DCC: variants seen among roughly 807,000 people sequenced by gnomAD.
The protein encoded by DCC is netrin receptor DCC.
Under a neutral mutation model 172.5 loss-of-function variants are expected in DCC, and 58 were observed. The observed-to-expected ratio is 0.34, with a 90% confidence interval of 0.27 to 0.42. The LOEUF (loss-of-function observed/expected upper bound fraction) is 0.42. Ranked by LOEUF, DCC falls within the 10% of genes least tolerant of loss-of-function variation. The probability of loss-of-function intolerance (pLI) is 1.00; values close to 1 mark genes in which losing one functional copy is unlikely to be tolerated. For synonymous variants in DCC, 709 were observed against 644.5 expected (o/e 1.10, Z -1.52); for missense variants, 1,740 against 1,791.0 (o/e 0.97, Z 0.51).
intron 1 of DCC, among the ~76,000 whole-genome samples, chr18:52,484,570 A>G (rs2030117480): frequency 6.6e-6 from 1 of 152,060 alleles, no homozygotes; most frequent in Non-Finnish European, 1.5e-5. Context: ...CTGGAGTGCA[A>G]GTAATTTAGC....
chr18:53,467,102 C>A (rs180962186), intron 24 of DCC, among the ~76,000 whole-genome samples: 1 of 152,020 alleles, frequency 6.6e-6, no homozygotes, highest in Non-Finnish European at 1.5e-5. Context: ...TAATCCCTTT[C>A]GCAAAAGGAA....
At chr18:52,940,406 C>T (rs902807922) in intron 5 of DCC, among the ~76,000 whole-genome samples, 1 of 151,900 alleles carries the variant, frequency 6.6e-6, no homozygotes, top group African/African-American at 2.4e-5. Flanking sequence ...TTAAAATATC[C>T]CTTGTGTACA....
At chr18:53,364,363 T>A (rs945587984) in intron 15 of DCC, among the ~76,000 whole-genome samples, 1 of 151,404 alleles carries the variant, frequency 6.6e-6, no homozygotes, top group Non-Finnish European at 1.5e-5. Flanking sequence ...ATTGCCCCTG[T>A]TTTTTTCAGG....
At chr18:52,777,384 A>G (rs539413368) in intron 2 of DCC, among the ~76,000 whole-genome samples, 1 of 151,936 alleles carries the variant, frequency 6.6e-6, no homozygotes, top group East Asian at 1.9e-4. Context: ...TGGCTGCTTC[A>G]CTCCAATCTC....
At chr18:53,236,369 C>A (rs747642005) in intron 12 of DCC, among the ~76,000 whole-genome samples, 9 of 152,054 alleles carry the variant, frequency 5.9e-5, no homozygotes, top group Non-Finnish European at 1.2e-4. Context: ...TTTGAAGATT[C>A]TTTTTTGCAC....
intron 7 of DCC, among the ~76,000 whole-genome samples, chr18:53,076,385 A>G (rs1289624719): frequency 6.6e-6 from 1 of 152,116 alleles, no homozygotes; most frequent in East Asian, 1.9e-4. Context: ...TATACTGGCC[A>G]TTGATCTAGA....
chr18:53,162,582 C>T (rs1180108778), intron 8 of DCC, among the ~76,000 whole-genome samples: 3 of 152,120 alleles, frequency 2.0e-5, no homozygotes, highest in African/African-American at 7.2e-5. Context: ...TAGCACTTTC[C>T]TTATGTTTCC....
chr18:52,905,253 T>A (rs2039864223), intron 2 of DCC, among the ~76,000 whole-genome samples: 1 of 152,198 alleles, frequency 6.6e-6, no homozygotes, highest in African/African-American at 2.4e-5. Context: ...CTTATATTGG[T>A]CATTCATATG....
intron 5 of DCC, among the ~76,000 whole-genome samples, chr18:53,034,237 G>A (rs1472080655): frequency 1.3e-5 from 2 of 151,950 alleles, no homozygotes; most frequent in African/African-American, 4.8e-5. Context: ...GATATCTCAT[G>A]TATAACATGA....
chr18:53,423,788 T>C (rs984060221), intron 21 of DCC, among the ~76,000 whole-genome samples: 1 of 152,186 alleles, frequency 6.6e-6, no homozygotes, highest in Non-Finnish European at 1.5e-5. Flanking sequence ...ATTCTTCACA[T>C]TGTCATCCCT....
chr18:53,016,746 A>G (rs2041812311), intron 5 of DCC, among the ~76,000 whole-genome samples: 1 of 152,198 alleles, frequency 6.6e-6, no homozygotes, highest in Non-Finnish European at 1.5e-5. Context: ...CATATGTGTC[A>G]AGTTATAGAA....
intron 5 of DCC, among the ~76,000 whole-genome samples, chr18:53,048,311 G>T (rs549170193): frequency 5.2e-4 from 79 of 151,768 alleles, no homozygotes; most frequent in African/African-American, 1.8e-3. Flanking sequence ...AGCGTCTGTG[G>T]TTCCGTTTTT....
chr18:52,423,653 T>A (rs1441765678), intron 1 of DCC, among the ~76,000 whole-genome samples: 1 of 152,188 alleles, frequency 6.6e-6, no homozygotes, highest in Non-Finnish European at 1.5e-5. Flanking sequence ...ACATATGTGC[T>A]GAGGGTTGTT....
intron 12 of DCC, among the ~76,000 whole-genome samples, chr18:53,281,762 ATTTTTTTT>A (rs754969859): frequency 3.5e-5 from 4 of 115,308 alleles, no homozygotes; most frequent in Non-Finnish European, 7.4e-5. Context: ...TTAATGGGGG[ATTTTTTTT>A]TTTTTTTTTT....
chr18:52,683,618 C>G (rs182657832), intron 1 of DCC, among the ~76,000 whole-genome samples: 12 of 152,116 alleles, frequency 7.9e-5, no homozygotes, highest in Admixed American at 7.2e-4. Context: ...AGATCCATTC[C>G]CAGGTCTCAG....
intron 7 of DCC, among the ~76,000 whole-genome samples, chr18:53,135,190 C>A (rs758768505): frequency 6.6e-6 from 1 of 152,076 alleles, no homozygotes; most frequent in Non-Finnish European, 1.5e-5. Context: ...CTATGCCGCT[C>A]TCTTGGTTTC....
chr18:52,980,215 G>A (rs761243631), intron 5 of DCC, among the ~76,000 whole-genome samples: 1 of 152,168 alleles, frequency 6.6e-6, no homozygotes, highest in African/African-American at 2.4e-5. Context: ...CTGGGAAGTC[G>A]TCATGCGGCT....
At chr18:53,515,153 A>G (rs1390012841) in intron 27 of DCC, among the ~76,000 whole-genome samples, 1 of 151,582 alleles carries the variant, frequency 6.6e-6, no homozygotes, top group Non-Finnish European at 1.5e-5. Context: ...ATATACGCAA[A>G]TCAATAAATG....
intron 2 of DCC, among the ~76,000 whole-genome samples, chr18:52,824,248 G>A (rs1383410397): frequency 1.3e-5 from 2 of 152,142 alleles, no homozygotes; most frequent in Admixed American, 6.5e-5. Context: ...AAAATAACTG[G>A]AAAGTTATTC....
Sources: allele counts gnomAD v4.1 joint callset (sites outside exome capture counted in the v4.1 genomes callset), GRCh38; gene constraint gnomAD v4.1.1; transcripts MANE v1.5; gene names NCBI Gene and HGNC (gene_info 2026-07-23, HGNC 2026-07-21).